The following ROBO2 variants were observed in gnomAD, a reference collection of about 807,000 sequenced individuals.
The protein encoded by ROBO2 is roundabout guidance receptor 2, also known as roundabout homolog 2.
A neutral mutation model predicts 160.8 loss-of-function variants in ROBO2; 53 were observed. The ratio of observed to expected loss-of-function variants is 0.33; its 90% confidence interval spans 0.26 to 0.41. ROBO2 has a LOEUF of 0.41. ROBO2 is among the 10% of genes least tolerant of loss of function. The pLI is 1.00. For missense variants in ROBO2, 1,577 were observed against 1,722.4 expected, an observed-to-expected ratio of 0.92 and a Z score of 1.49; for synonymous variants, 664 against 611.7, an observed-to-expected ratio of 1.09 and a Z score of -1.26.
chr3:76,539,318 C>T (rs1349890197), intron 2 of ROBO2, among the ~76,000 whole-genome samples: 1 of 150,846 alleles, frequency 6.6e-6, no homozygotes, highest in African/African-American at 2.4e-5. Context: ...ATATGTAACA[C>T]ACCTGCCCGT....
exon 26 of ROBO2, chr3:77,646,255 A>G: frequency 2.4e-6 from 1 of 420,264 alleles, no homozygotes; most frequent in Non-Finnish European, 4.3e-6. Flanking sequence ...ACCCACCTTA[A>G]CTCTTTCTTG....
At chr3:76,699,455 C>T (rs1325901668) in intron 2 of ROBO2, among the ~76,000 whole-genome samples, 3 of 152,098 alleles carry the variant, frequency 2.0e-5, no homozygotes, top group African/African-American at 4.8e-5. Flanking sequence ...TTCTGATATC[C>T]GGATTCCTTT....
intron 2 of ROBO2, among the ~76,000 whole-genome samples, chr3:76,230,599 C>T (rs1704563659): frequency 6.6e-6 from 1 of 152,058 alleles, no homozygotes; most frequent in Admixed American, 6.6e-5. Context: ...TTTTCCTCAT[C>T]TTCTTTCCTC....
At chr3:77,575,278 A>G (rs1480112026) in intron 14 of ROBO2, among the ~76,000 whole-genome samples, 1 of 152,096 alleles carries the variant, frequency 6.6e-6, no homozygotes, top group Non-Finnish European at 1.5e-5. Flanking sequence ...TCAATCTGTG[A>G]TGAACACAAG....
intron 2 of ROBO2, among the ~76,000 whole-genome samples, chr3:77,164,740 A>C (rs9846360): frequency 4.8e-5 from 1 of 20,996 alleles, no homozygotes; most frequent in East Asian, 3.0e-3. Context: ...CCGGCCAGCC[A>C]CCCCGTCCGG....
Position 77,487,273 on chromosome 3 carries a change from G to A in ROBO2, c.668-5971G>A, listed in dbSNP as rs145802773. Reference sequence around the variant, plus strand: ...AGTATATTTATTGAGCATCTGCTATGTCCCATGCCCTGTTTAAGTGCTTAA... The same window carrying A: ...AGTATATTTATTGAGCATCTGCTATATCCCATGCCCTGTTTAAGTGCTTAA... On this transcript the variant is annotated intron_variant, in intron 4 of 25. Transcript: ENST00000461745. Among the ~76,000 whole-genome samples the A allele has an allele frequency of 4.2e-3, 644 of 152,188 alleles. 2 individuals carry two copies. The highest frequency in any genetic ancestry group is 7.7e-3 in the Non-Finnish European group (523 of 67,970).
chr3:77,255,751 A>G (rs1385940689), intron 2 of ROBO2, among the ~76,000 whole-genome samples: 2 of 152,214 alleles, frequency 1.3e-5, no homozygotes, highest in African/African-American at 2.4e-5. Context: ...AAGATATTCT[A>G]TTTTCAAGAG....
At chr3:76,318,951 A>G (rs888662866) in intron 2 of ROBO2, among the ~76,000 whole-genome samples, 3 of 152,160 alleles carry the variant, frequency 2.0e-5, no homozygotes, top group Admixed American at 6.5e-5. Context: ...ACCTTGGTCA[A>G]TCAAGACTGG....
intron 2 of ROBO2, among the ~76,000 whole-genome samples, chr3:76,546,945 G>C (rs1331665849): frequency 1.3e-5 from 2 of 151,902 alleles, no homozygotes; most frequent in African/African-American, 4.8e-5. Context: ...GCAATGCTTA[G>C]ATTCACAGTT....
At chr3:77,175,376 T>C (rs952409788) in intron 2 of ROBO2, among the ~76,000 whole-genome samples, 4 of 152,086 alleles carry the variant, frequency 2.6e-5, no homozygotes, top group African/African-American at 9.6e-5. Flanking sequence ...AATAGGGAAA[T>C]AGCATGAAAT....
intron 2 of ROBO2, among the ~76,000 whole-genome samples, chr3:76,240,044 AG>A (rs1365909825): frequency 6.6e-6 from 1 of 152,160 alleles, no homozygotes; most frequent in African/African-American, 2.4e-5. Flanking sequence ...CAGTGTGATC[AG>A]GCAGAGCACA....
intron 2 of ROBO2, among the ~76,000 whole-genome samples, chr3:76,054,115 G>T (rs1199766095): frequency 1.3e-5 from 2 of 152,014 alleles, no homozygotes; most frequent in African/African-American, 2.4e-5. Flanking sequence ...TTTTGTAATT[G>T]AGAGTTATAT....
chr3:77,595,994 G>A (rs2094294085), intron 18 of ROBO2, among the ~76,000 whole-genome samples: 1 of 151,910 alleles, frequency 6.6e-6, no homozygotes, highest in African/African-American at 2.4e-5. Flanking sequence ...ATGACGTGAA[G>A]GAAATTTTAC....
intron 2 of ROBO2, among the ~76,000 whole-genome samples, chr3:77,256,830 T>G (rs775733065): frequency 3.9e-5 from 6 of 152,188 alleles, no homozygotes; most frequent in African/African-American, 4.8e-5. Context: ...GTGCACCCAG[T>G]GATTTCTCAG....
intron 2 of ROBO2, among the ~76,000 whole-genome samples, chr3:76,095,859 C>G (rs1446873305): frequency 1.3e-5 from 2 of 151,394 alleles, no homozygotes; most frequent in African/African-American, 2.4e-5. Flanking sequence ...ATAGAAATTG[C>G]AAAGACATAA....
intron 21 of ROBO2, among the ~76,000 whole-genome samples, chr3:77,611,363 GTGAAGCCTTGTA>G (rs1426844151): frequency 6.6e-6 from 1 of 151,942 alleles, no homozygotes; most frequent in Admixed American, 6.6e-5. Context: ...GAAGCCAATT[GTGAAGCCTTGTA>G]TGTCATATTG....
intron 2 of ROBO2, among the ~76,000 whole-genome samples, chr3:77,329,569 A>G (rs1459830467): frequency 6.6e-6 from 1 of 152,200 alleles, no homozygotes; most frequent in African/African-American, 2.4e-5. Context: ...ATTCCAAAAC[A>G]AAGAGTTCAG....
intron 2 of ROBO2, among the ~76,000 whole-genome samples, chr3:76,120,959 A>G (rs1423938845): frequency 6.6e-6 from 1 of 152,208 alleles, no homozygotes; most frequent in Non-Finnish European, 1.5e-5. Flanking sequence ...CTAGATTGAT[A>G]GCCACATAAT....
intron 2 of ROBO2, among the ~76,000 whole-genome samples, chr3:76,046,712 A>G (rs2107793147): frequency 6.6e-6 from 1 of 152,150 alleles, no homozygotes; most frequent in East Asian, 1.9e-4. Context: ...GTCGCTTCTT[A>G]CTGAACTACT....
Sources: allele counts gnomAD v4.1 joint callset (sites outside exome capture counted in the v4.1 genomes callset), GRCh38; gene constraint gnomAD v4.1.1; transcripts MANE v1.5; gene names NCBI Gene and HGNC (gene_info 2026-07-23, HGNC 2026-07-21).